MATN3: variants seen among roughly 807,000 people sequenced by gnomAD.
MATN3 encodes matrilin 3, also known as matrilin-3.
In MATN3, 48 loss-of-function variants were observed where a neutral mutation model predicts 45.3. The observed-to-expected ratio is 1.06, with a 90% CI of 0.84 to 1.35. The LOEUF (loss-of-function observed/expected upper bound fraction) is 1.35, where lower values mean the gene tolerates loss of function less well. Ranked by LOEUF, MATN3 falls within the 40% of genes most tolerant of loss-of-function variation. The pLI, the probability that MATN3 is intolerant of heterozygous loss-of-function variation, is 0.00. For missense variants in MATN3, 599 were observed against 628.0 expected (o/e 0.95, Z 0.49); for synonymous variants, 217 against 245.9 (o/e 0.88, Z 1.10).
At chr2:20,009,447 G>A (rs1673175206) in intron 1 of MATN3, among the ~76,000 whole-genome samples, 2 of 152,018 alleles carry the variant, frequency 1.3e-5, no homozygotes, top group South Asian at 4.2e-4. Flanking sequence ...CATGGACATA[G>A]GGAGGGGAAC....
At chr2:19,994,464 CA>C in intron 6 of MATN3, 55 bp from the exon 7 acceptor site, 1 of 983,280 alleles carries the variant, frequency 1.0e-6, no homozygotes, top group Non-Finnish European at 1.6e-6. Flanking sequence ...ATATAGGAAT[CA>C]TAACAAATCA....
chr2:20,008,402 T>C (rs1309069949), intron 1 of MATN3, among the ~76,000 whole-genome samples: 1 of 152,140 alleles, frequency 6.6e-6, no homozygotes, highest in Non-Finnish European at 1.5e-5. Context: ...GATGCTACTC[T>C]AGGAAGGTAA....
rs1365628635 is a variant in MATN3 at position 20,012,300 on chromosome 2, T to C, written c.223+109A>G. ...ACAGGATTCATCCGGGAGGGGCCTC[T>C]TTCCCCCGCACCACGGTCGGCCTGA... On this transcript the variant is annotated intron_variant, in intron 1 of 7. Transcript: ENST00000407540. This position sits in a 1 kb window ranked among gnomAD's most constrained non-coding sequence, Gnocchi z 4.3. 7 of 854,480 alleles carry C rather than the reference T, an allele frequency of 8.2e-6. No homozygotes were observed. Among genetic ancestry groups the C allele is most frequent in the Non-Finnish European group, 1.1e-5 (7 of 646,276 alleles). The allele number at this position is 854,480 out of a possible 1,614,324, so 52.9% of individuals were successfully genotyped here. A position where few individuals can be genotyped will look rare whatever the true frequency, so the allele number is the denominator to read the frequency against.
rs200161462 is a variant in MATN3 at position 20,003,174 on chromosome 2, C to T, written c.903G>A (p.Lys301=). The stretch of plus-strand genomic sequence containing the variant: ...CACAGGCCTCACCTGAACACGTTTT[C>T]TTGTCGGCATTCAAGGTGTATCCTT... ...CSQGYTLNAD[K]KTCSALDRCA... The change falls in exon 3 of 8, where the codon AAG becomes AAA. Residue 301 remains lysine, a synonymous_variant. Coordinates refer to ENST00000407540, the MANE Select transcript of MATN3 (RefSeq NM_002381.5). 3 of 1,613,992 alleles carry T rather than the reference C, an allele frequency of 1.9e-6. No individual in the cohort carries two copies. The highest frequency in any genetic ancestry group is 1.7e-5 in the Admixed American group (1 of 60,026).
intron 4 of MATN3, 150 bp from the exon 5 acceptor site, chr2:20,000,716 AGT>A: frequency 1.5e-6 from 1 of 671,984 alleles, no homozygotes; most frequent in Non-Finnish European, 2.4e-6. Flanking sequence ...TCTAACTAGA[AGT>A]TAACTGAGTT....
intron 4 of MATN3, among the ~76,000 whole-genome samples, chr2:20,001,070 T>C (rs1672976473): frequency 6.6e-6 from 1 of 152,242 alleles, no homozygotes; most frequent in African/African-American, 2.4e-5. Flanking sequence ...TCTACTGATA[T>C]ATTTTTAAAC....
In MATN3 at chr2:20,012,577, G is replaced by T; in HGVS notation, c.55C>A (p.Pro19Thr). 8.2e-7 allele frequency: 1 copy of T among 1,226,812 alleles called. No individual in the cohort carries two copies. The highest frequency in any genetic ancestry group is 4.1e-5 in the South Asian group (1 of 24,530). 76.0% of individuals were successfully genotyped at this position (1,226,812 alleles called of 1,614,324 possible). A position where few individuals can be genotyped will look rare whatever the true frequency, so the allele number is the denominator to read the frequency against. Residue 19 changes from proline (P) to threonine (T), a missense_variant, in exon 1 of 8, where the codon CCG becomes ACG. Coordinates refer to ENST00000407540, the MANE Select transcript of MATN3 (RefSeq NM_002381.5). The surrounding 1 kb of genome is among the most constrained non-coding windows in gnomAD (Gnocchi z 4.3). ...GCGGCGGAGGGCAGCAGCAGCAGCGGCCAGAGCAGCAGGAGGAGTCCCGGG... is the reference window on the plus strand; with the variant it reads ...GCGGCGGAGGGCAGCAGCAGCAGCGTCCAGAGCAGCAGGAGGAGTCCCGGG... ...RLPGLLLLLWPLLLLPSAAPD... is the reference protein window; with the variant it reads ...RLPGLLLLLWTLLLLPSAAPD...
In MATN3 at chr2:19,995,389, G is replaced by A. The variant is rs1033260840; in HGVS notation, c.1295-980C>T. 2.0e-5 allele frequency among the ~76,000 whole-genome samples: 3 copies of A among 151,966 alleles called. No individual in the cohort carries two copies. Among genetic ancestry groups the A allele is most frequent in the Non-Finnish European group, 4.4e-5 (3 of 68,002 alleles). ...GATTGCTTGAACCCGGGAGGCAGAG[G>A]TTGCAGTGAGCTGAGATCGCACCAC... On this transcript the variant is annotated intron_variant, in intron 6 of 7. Transcript: ENST00000407540. This position sits in a 1 kb window ranked among gnomAD's most constrained non-coding sequence, Gnocchi z 4.2.
Position 20,001,954 on chromosome 2 carries a change from C to A in MATN3, c.1042+1G>T. The A allele has an allele frequency of 6.2e-7, 1 of 1,612,794 alleles. No individual in the cohort carries two copies. Reference sequence around the variant, plus strand: ...ATAGTAAAGACTCCTCCCTCACTTACCTGAACAAGTTTTCCTGTCTTCATT... The same window carrying A: ...ATAGTAAAGACTCCTCCCTCACTTAACTGAACAAGTTTTCCTGTCTTCATT... On this transcript the variant is annotated splice_donor_variant, in intron 4 of 7. Coordinates refer to ENST00000407540, the MANE Select transcript of MATN3 (RefSeq NM_002381.5). LOFTEE classifies it high-confidence loss of function.
At chr2:20,000,233 A>C (rs1193491649) in intron 5 of MATN3, among the ~76,000 whole-genome samples, 1 of 152,128 alleles carries the variant, frequency 6.6e-6, no homozygotes, top group Non-Finnish European at 1.5e-5. Context: ...CCCACTCCCT[A>C]CCTATTTCCC....
At chr2:20,003,399 T>C in intron 2 of MATN3, 113 bp from the exon 3 acceptor site, 2 of 1,011,094 alleles carry the variant, frequency 2.0e-6, no homozygotes, top group Non-Finnish European at 1.4e-6. Context: ...CCATCTTTAC[T>C]TCACTATAAA....
chr2:20,005,601 C>G, intron 2 of MATN3, 143 bp downstream of exon 2: 2 of 697,380 alleles, frequency 2.9e-6, no homozygotes, highest in East Asian at 2.7e-5. Context: ...CGCGCATGCA[C>G]ACGTGCACAC....
Position 20,012,392 on chromosome 2 carries a change from C to G in MATN3, c.223+17G>C. 8.1e-7 allele frequency: 1 copy of G among 1,228,154 alleles called. No individual in the cohort carries two copies. The highest frequency in any genetic ancestry group is 1.0e-6 in the Non-Finnish European group (1 of 985,704). The allele number at this position is 1,228,154 out of a possible 1,614,324, so 76.1% of individuals were successfully genotyped here. A position where few individuals can be genotyped will look rare whatever the true frequency, so the allele number is the denominator to read the frequency against. ...CTCGTTCGATGCTCACGCGTCCCTC[C>G]CGCCGCCCGCCTGTACCTGCACCGC... is the stretch of plus-strand genomic sequence containing the variant. On this transcript the variant is annotated intron_variant, in intron 1 of 7. Transcript: ENST00000407540. This position sits in a 1 kb window ranked among gnomAD's most constrained non-coding sequence, Gnocchi z 4.3.
chr2:20,005,380 T>C (rs1673075548), intron 2 of MATN3, among the ~76,000 whole-genome samples: 1 of 151,842 alleles, frequency 6.6e-6, no homozygotes, highest in Non-Finnish European at 1.5e-5. Flanking sequence ...GGGAAAAAAA[T>C]GTAGTGGTGG....
intron 5 of MATN3, among the ~76,000 whole-genome samples, chr2:19,999,004 C>G (rs929326309): frequency 2.0e-5 from 3 of 152,060 alleles, no homozygotes; most frequent in Admixed American, 6.5e-5. Context: ...TATTAAGGTA[C>G]ATTACTGTAT....
intron 3 of MATN3, 92 bp downstream of exon 3, chr2:20,003,069 G>T (rs1454281605): frequency 4.1e-6 from 6 of 1,474,994 alleles, no homozygotes; most frequent in South Asian, 1.3e-5. Context: ...GGTAAAAAGG[G>T]GTCAGAGAGT....
Position 20,002,099 on chromosome 2 carries a change from G to A in MATN3, c.917-19C>T, listed in dbSNP as rs1002308433. On this transcript the variant is annotated intron_variant, in intron 3 of 7. Coordinates refer to ENST00000407540, the MANE Select transcript of MATN3 (RefSeq NM_002381.5). Reference sequence around the variant, plus strand: ...TCAAGAGCTATCAAAAGATGATTGGGACAAATGTAAATGCATGCAGAGCAT... The same window carrying A: ...TCAAGAGCTATCAAAAGATGATTGGAACAAATGTAAATGCATGCAGAGCAT... 5 of 1,608,120 alleles carry A rather than the reference G, an allele frequency of 3.1e-6. No homozygotes were observed. The highest frequency in any genetic ancestry group is 4.2e-6 in the Non-Finnish European group (5 of 1,177,438).
intron 5 of MATN3, chr2:19,999,229 A>G (rs925974541): frequency 2.6e-5 from 4 of 152,154 alleles, no homozygotes; most frequent in Admixed American, 6.6e-5. Context: ...CTGGCAGCTT[A>G]AAGTACCAAC....
chr2:20,000,494 T>G lies in MATN3; in HGVS notation c.1115A>C (p.His372Pro). 6.2e-7 allele frequency: 1 copy of G among 1,613,050 alleles called. No homozygotes were observed. Among genetic ancestry groups the G allele is most frequent in the Non-Finnish European group, 8.5e-7 (1 of 1,179,396 alleles). ...AGTGTAGCCCTCATAGCATTCACAA[T>G]GATGGGACCCTGTTCTGTCATTCAC... Reference protein sequence around the residue: ...ICVNDRTGSHHCECYEGYTLN... With the variant: ...ICVNDRTGSHPCECYEGYTLN... Residue 372 changes from histidine (H) to proline (P), a missense_variant, in exon 5 of 8, where the codon CAT (histidine) becomes CCT (proline). Physicochemically the swap from His to Pro is moderately conservative, Grantham distance 77 (BLOSUM62 -2). Transcript: ENST00000407540.
Sources: gnomAD v4.1 joint callset for allele counts (sites outside exome capture counted in the v4.1 genomes callset) on GRCh38, gnomAD v4.1.1 for gene constraint, Gnocchi (gnomAD v3.1) non-coding constraint, MANE v1.5 for transcripts, NCBI Gene and HGNC (gene_info 2026-07-23, HGNC 2026-07-21) for gene names.